The following UMAD1 variants were observed in gnomAD, a reference collection of about 807,000 sequenced individuals.
UMAD1 encodes the protein UBAP1-MVB12-associated (UMA) domain containing 1.
Under a neutral mutation model 6.1 loss-of-function variants are expected in UMAD1, and 8 were observed. The ratio of observed to expected loss-of-function variants is 1.30; its 90% CI spans 0.76 to 2.35. The LOEUF (loss-of-function observed/expected upper bound fraction) is 2.35. UMAD1 is among the 30% of genes most tolerant of loss of function. The pLI is 0.00. For missense variants in UMAD1, 130 were observed against 78.4 expected (o/e 1.66, Z -2.49); for synonymous variants, 56 against 31.4 (o/e 1.78, Z -2.61).
chr7:7,659,684 G>A (rs1297497405), intron 1 of UMAD1, among the ~76,000 whole-genome samples: 4 of 152,028 alleles, frequency 2.6e-5, no homozygotes, highest in Non-Finnish European at 5.9e-5. Flanking sequence ...TATGATTTCC[G>A]TTCTTTTGCA....
chr7:7,825,998 C>T (rs1334535064), intron 3 of UMAD1, among the ~76,000 whole-genome samples: 1 of 152,068 alleles, frequency 6.6e-6, no homozygotes. Flanking sequence ...AATGTAAACG[C>T]TATATAAATA....
At chr7:7,841,498 C>A (rs1176998396) in intron 3 of UMAD1, among the ~76,000 whole-genome samples, 3 of 151,854 alleles carry the variant, frequency 2.0e-5, no homozygotes, top group African/African-American at 7.3e-5. Context: ...GAGTTGGGTT[C>A]TCCTTATGTT....
At chr7:7,860,786 AAAT>A (rs1563267048) in intron 3 of UMAD1, among the ~76,000 whole-genome samples, 1 of 148,398 alleles carries the variant, frequency 6.7e-6, no homozygotes, top group South Asian at 2.1e-4. Context: ...AAAAAAAAAA[AAAT>A]AACAAAAAAA....
chr7:7,820,138 C>G (rs1213672991), intron 3 of UMAD1, among the ~76,000 whole-genome samples: 1 of 151,820 alleles, frequency 6.6e-6, no homozygotes, highest in Non-Finnish European at 1.5e-5. Flanking sequence ...ACTGCTTTTC[C>G]TCAATTCAGT....
chr7:7,764,439 T>C (rs1039763336), intron 2 of UMAD1, among the ~76,000 whole-genome samples: 4 of 152,182 alleles, frequency 2.6e-5, no homozygotes, highest in African/African-American at 9.7e-5. Context: ...AGTTATACAG[T>C]GGATATAAGC....
intron 2 of UMAD1, among the ~76,000 whole-genome samples, chr7:7,694,257 A>G (rs767477819): frequency 2.6e-5 from 4 of 152,092 alleles, no homozygotes; most frequent in Non-Finnish European, 5.9e-5. Flanking sequence ...ATGAGTATAT[A>G]GTAGGTATAT....
intron 2 of UMAD1, among the ~76,000 whole-genome samples, chr7:7,704,273 A>C (rs960208607): frequency 6.6e-6 from 1 of 152,186 alleles, no homozygotes; most frequent in Non-Finnish European, 1.5e-5. Context: ...TTTTTCATAG[A>C]AACATTCATG....
intron 3 of UMAD1, among the ~76,000 whole-genome samples, chr7:7,817,308 G>T (rs1409399064): frequency 6.6e-6 from 1 of 152,122 alleles, no homozygotes; most frequent in Non-Finnish European, 1.5e-5. Context: ...ACTCATCATT[G>T]TTCCCTGTGC....
intron 2 of UMAD1, among the ~76,000 whole-genome samples, chr7:7,703,399 T>G (rs1333350482): frequency 4.6e-5 from 7 of 152,230 alleles, no homozygotes; most frequent in African/African-American, 1.7e-4. Flanking sequence ...TTTTTAACTT[T>G]TTAGTATGAA....
intron 2 of UMAD1, among the ~76,000 whole-genome samples, chr7:7,764,168 C>T (rs1363336932): frequency 6.6e-6 from 1 of 152,072 alleles, no homozygotes; most frequent in East Asian, 1.9e-4. Flanking sequence ...ATACGGCAGT[C>T]ACAGAGCTGT....
intron 2 of UMAD1, among the ~76,000 whole-genome samples, chr7:7,765,517 C>A (rs1158327984): frequency 6.6e-6 from 1 of 151,968 alleles, no homozygotes. Context: ...CTAAAATTTG[C>A]TTTTTAAAAT....
At chr7:7,729,163 G>T (rs2115190229) in intron 2 of UMAD1, among the ~76,000 whole-genome samples, 1 of 152,296 alleles carries the variant, frequency 6.6e-6, no homozygotes, top group African/African-American at 2.4e-5. Flanking sequence ...ATGGCTGTTT[G>T]GTGGGAGGGA....
intron 3 of UMAD1, among the ~76,000 whole-genome samples, chr7:7,870,146 A>T (rs1784307815): frequency 6.6e-6 from 1 of 152,260 alleles, no homozygotes; most frequent in Non-Finnish European, 1.5e-5. Context: ...AATAGTTTTT[A>T]TACAAACATA....
intron 3 of UMAD1, among the ~76,000 whole-genome samples, chr7:7,876,708 T>G (rs959802657): frequency 2.0e-5 from 3 of 152,190 alleles, no homozygotes; most frequent in Non-Finnish European, 4.4e-5. Context: ...ACATATATAT[T>G]ACTGTCAAAT....
At chr7:7,815,452 C>G (rs1452889962) in intron 3 of UMAD1, among the ~76,000 whole-genome samples, 4 of 152,042 alleles carry the variant, frequency 2.6e-5, no homozygotes, top group Non-Finnish European at 5.9e-5. Context: ...TTGAGAGTTA[C>G]AGTAAAAGGC....
intron 2 of UMAD1, among the ~76,000 whole-genome samples, chr7:7,701,658 T>G (rs1254417249): frequency 6.6e-6 from 1 of 152,196 alleles, no homozygotes; most frequent in Non-Finnish European, 1.5e-5. Context: ...TAGTGAAATA[T>G]GATTAGGAGG....
chr7:7,657,693 C>T, intron 1 of UMAD1, among the ~76,000 whole-genome samples: 1 of 152,080 alleles, frequency 6.6e-6, no homozygotes, highest in Admixed American at 6.6e-5. Context: ...GTACCCATAC[C>T]ATGCTGTTTT....
At chr7:7,743,581 A>G (rs1376763545) in intron 2 of UMAD1, among the ~76,000 whole-genome samples, 1 of 152,004 alleles carries the variant, frequency 6.6e-6, no homozygotes, top group East Asian at 1.9e-4. Context: ...GACTTATAAC[A>G]CGTTTTAGAT....
intron 3 of UMAD1, among the ~76,000 whole-genome samples, chr7:7,804,253 G>T (rs1179761386): frequency 6.6e-6 from 1 of 152,210 alleles, no homozygotes; most frequent in Non-Finnish European, 1.5e-5. Flanking sequence ...GGGTTAAATC[G>T]CAATGCAAGA....
Sources: allele counts gnomAD v4.1 joint callset (sites outside exome capture counted in the v4.1 genomes callset), GRCh38; gene constraint gnomAD v4.1.1; transcripts MANE v1.5; gene names NCBI Gene and HGNC (gene_info 2026-07-23, HGNC 2026-07-21).